Variants in ATAD1 observed in about 807,000 individuals in gnomAD.
ATAD1 encodes the protein outer mitochondrial transmembrane helix translocase.
In ATAD1, 18 loss-of-function variants were observed where a neutral mutation model predicts 42.7. That is an observed-to-expected ratio of 0.42 (90% CI 0.29 to 0.63). The LOEUF is 0.63. Ranked by LOEUF, ATAD1 falls within the 20% of genes least tolerant of loss-of-function variation. The pLI is 0.19. For missense variants in ATAD1, 294 were observed against 440.4 expected, an observed-to-expected ratio of 0.67 and a Z score of 2.98; for synonymous variants, 132 against 143.1, an observed-to-expected ratio of 0.92 and a Z score of 0.55.
At chr10:87,762,767 A>G (rs984937803) in intron 8 of ATAD1, among the ~76,000 whole-genome samples, 2 of 151,478 alleles carry the variant, frequency 1.3e-5, no homozygotes, top group Non-Finnish European at 2.9e-5. Flanking sequence ...GAAAGCAGTT[A>G]TCAAAAATTC....
At position 87,837,433 on chromosome 10, in the gene ATAD1, A is replaced by G. The variant is rs932368202; in HGVS notation, c.-14+3754T>C. ...GGATCTATCCTCTATGTGTACTACC[A>G]GTCAGTAGTGGTAGGGTGGTGGACT... On this transcript the variant is annotated intron_variant, in intron 1 of 4. Transcript: ENST00000495903. Among the ~76,000 whole-genome samples, 3 of 152,184 alleles carry G rather than the reference A, an allele frequency of 2.0e-5. No individual in the cohort carries two copies. The East Asian group carries it at 5.8e-4, about 29-fold the overall frequency.
rs557417006 is a variant in ATAD1, at chr10:87,800,779, T to C, written c.163-8024A>G. ...ATTAAAGCCTCATCTTCAGGCTCCG[T>C]AGAAAATGCCAATCAAAATAAACTG... On this transcript the variant is annotated intron_variant, in intron 2 of 9. Coordinates refer to ENST00000680024, the MANE Select transcript of ATAD1 (RefSeq NM_001321967.2). 4.0e-4 allele frequency among the ~76,000 whole-genome samples: 61 copies of C among 152,236 alleles called. No homozygotes were observed. In the South Asian group the frequency reaches 5.0e-3, roughly 12 times the overall value.
chr10:87,779,034 G>A (rs2131854129), intron 5 of ATAD1, among the ~76,000 whole-genome samples: 1 of 152,226 alleles, frequency 6.6e-6, no homozygotes, highest in East Asian at 1.9e-4. Context: ...TAAAATTCCT[G>A]GCTGGGCATG....
chr10:87,814,731 C>T, intron 1 of ATAD1, 119 bp from the exon 2 acceptor site: 2 of 726,050 alleles, frequency 2.8e-6, no homozygotes, highest in Non-Finnish European at 3.8e-6. Context: ...TAAAATATTA[C>T]CTACCTTAAA....
At chr10:87,790,869 CTTCTGAATTTTATCCATCAAAAGT>C (rs1270723091) in intron 3 of ATAD1, among the ~76,000 whole-genome samples, 9 of 151,826 alleles carry the variant, frequency 5.9e-5, no homozygotes, top group African/African-American at 2.2e-4. Context: ...CAAAACATAG[CTTCTGAATTTTATCCATCAAAAGT>C]AAACCTATGG....
chr10:87,765,892 A>G (rs1372979314), intron 8 of ATAD1, among the ~76,000 whole-genome samples: 4 of 151,866 alleles, frequency 2.6e-5, no homozygotes, highest in African/African-American at 9.7e-5. Context: ...AAATAAACAG[A>G]ATTAGCCAGG....
At chr10:87,840,809 C>G (rs1858018268) in intron 1 of ATAD1, among the ~76,000 whole-genome samples, 1 of 152,044 alleles carries the variant, frequency 6.6e-6, no homozygotes, top group Admixed American at 6.5e-5. Context: ...ACATAATGTC[C>G]CATACCAAAG....
At chr10:87,778,446 A>G (rs1855416711) in intron 5 of ATAD1, among the ~76,000 whole-genome samples, 1 of 152,214 alleles carries the variant, frequency 6.6e-6, no homozygotes, top group South Asian at 2.1e-4. Flanking sequence ...GAATATTTGC[A>G]TATACATAAT....
At chr10:87,836,474 GT>G (rs771110016) in intron 1 of ATAD1, among the ~76,000 whole-genome samples, 1 of 152,164 alleles carries the variant, frequency 6.6e-6, no homozygotes, top group East Asian at 1.9e-4. Flanking sequence ...GGGTTGACAG[GT>G]TTTTACTTTT....
intron 1 of ATAD1, among the ~76,000 whole-genome samples, chr10:87,835,582 A>G (rs1318439696): frequency 1.3e-5 from 2 of 152,156 alleles, no homozygotes; most frequent in East Asian, 3.8e-4. Context: ...TACGTAGCTC[A>G]GTCATGTTTT....
intron 2 of ATAD1, among the ~76,000 whole-genome samples, chr10:87,804,427 T>C (rs755922468): frequency 5.9e-5 from 9 of 152,176 alleles, no homozygotes; most frequent in Non-Finnish European, 1.3e-4. Context: ...TGGAATGCAA[T>C]GGTGAGATCT....
At chr10:87,823,007 A>G (rs924827868), upstream of ATAD1, among the ~76,000 whole-genome samples, 1 of 151,980 alleles carries the variant, frequency 6.6e-6, no homozygotes, top group African/African-American at 2.4e-5. Flanking sequence ...AATCAAGGAA[A>G]AAATAATGGA....
At chr10:87,818,420 G>T, upstream of ATAD1, 1 of 228,126 alleles carries the variant, frequency 4.4e-6, no homozygotes, top group Non-Finnish European at 7.3e-6. Context: ...GCGTGTCTGC[G>T]AGCAGCACTC....
upstream of ATAD1, among the ~76,000 whole-genome samples, chr10:87,820,691 T>G (rs1463729712): frequency 6.6e-6 from 1 of 152,206 alleles, no homozygotes; most frequent in Non-Finnish European, 1.5e-5. Context: ...CCCTTTCCAG[T>G]GGTTCAGCCA....
At chr10:87,827,374 A>G (rs1857749196) in intron 1 of ATAD1, among the ~76,000 whole-genome samples, 1 of 152,068 alleles carries the variant, frequency 6.6e-6, no homozygotes, top group African/African-American at 2.4e-5. Context: ...GGCATACCTC[A>G]TTTTATTATG....
rs1427710134 is a variant in ATAD1 at position 87,754,822 on chromosome 10, A to G, written c.966-15T>C. The G allele has an allele frequency of 2.5e-6, 4 of 1,608,486 alleles. No individual in the cohort carries two copies. Among genetic ancestry groups the G allele is most frequent in the African/African-American group, 1.3e-5 (1 of 74,812 alleles). On this transcript the variant is annotated splice_polypyrimidine_tract_variant and intron_variant, in intron 9 of 9. Transcript: ENST00000680024. ...CTTCGTCATGGCTAAAATGCAAACA[A>G]AACCATCAAATACTCAAATAACTTT...
At chr10:87,754,923 C>G in intron 9 of ATAD1, 116 bp from the exon 10 acceptor site, 1 of 1,280,228 alleles carries the variant, frequency 7.8e-7, no homozygotes. Context: ...TTGTTTTCAA[C>G]TGTAGAAAAG....
chr10:87,822,286 A>T (rs188468051), upstream of ATAD1, among the ~76,000 whole-genome samples: 95 of 152,366 alleles, frequency 6.2e-4, no homozygotes, highest in Non-Finnish European at 1.1e-3. Flanking sequence ...TTAATTTTTT[A>T]AATCATGTCT....
At chr10:87,831,482 C>G (rs992673384) in intron 1 of ATAD1, among the ~76,000 whole-genome samples, 3 of 151,886 alleles carry the variant, frequency 2.0e-5, no homozygotes, top group Non-Finnish European at 4.4e-5. Context: ...AGTGTAGATA[C>G]TATAGATTTC....
Sources: allele counts gnomAD v4.1 joint callset (sites outside exome capture counted in the v4.1 genomes callset), GRCh38; gene constraint gnomAD v4.1.1; transcripts MANE v1.5; gene names NCBI Gene and HGNC (gene_info 2026-07-23, HGNC 2026-07-21).